Variants in TENM4 observed in about 807,000 individuals in gnomAD.
TENM4 encodes teneurin-4.
A neutral mutation model predicts 243.3 loss-of-function variants in TENM4; 82 were observed. The observed-to-expected ratio is 0.34, with a 90% CI of 0.28 to 0.40. The LOEUF (loss-of-function observed/expected upper bound fraction) is 0.40. Ranked by LOEUF, TENM4 falls within the 10% of genes least tolerant of loss-of-function variation. TENM4 has a pLI of 1.00. For synonymous variants in TENM4, 1,412 were observed against 1,456.3 expected, an observed-to-expected ratio of 0.97 and a Z score of 0.69; for missense variants, 3,138 against 3,673.3, an observed-to-expected ratio of 0.85 and a Z score of 3.77.
intron 1 of TENM4, among the ~76,000 whole-genome samples, chr11:79,380,823 T>C (rs1381593113): frequency 6.6e-6 from 1 of 152,224 alleles, no homozygotes; most frequent in Admixed American, 6.5e-5. Flanking sequence ...TGGAGGTTCC[T>C]GGATGTGCAG....
At chr11:79,414,182 A>G (rs991526083) in intron 1 of TENM4, among the ~76,000 whole-genome samples, 2 of 147,500 alleles carry the variant, frequency 1.4e-5, no homozygotes, top group Admixed American at 6.7e-5. Flanking sequence ...ACACACACAC[A>G]CGCACACAAA....
At chr11:78,722,362 C>T (rs1038448740) in intron 24 of TENM4, among the ~76,000 whole-genome samples, 1 of 152,218 alleles carries the variant, frequency 6.6e-6, no homozygotes, top group Non-Finnish European at 1.5e-5. Context: ...AATCAGTTTA[C>T]TTCCAGGAAA....
intron 25 of TENM4, among the ~76,000 whole-genome samples, chr11:78,717,599 A>G (rs1215785754): frequency 1.3e-5 from 2 of 152,250 alleles, no homozygotes; most frequent in East Asian, 3.8e-4. Flanking sequence ...AATTGCATGA[A>G]GAATATAAAC....
At chr11:79,139,625 G>A (rs180775852) in intron 4 of TENM4, among the ~76,000 whole-genome samples, 333 of 29,100 alleles carry the variant, frequency 0.011, 14 homozygotes, top group African/African-American at 0.032. Flanking sequence ...ATTTATATAA[G>A]TATATAAAAT....
chr11:79,118,769 T>A (rs887862092), intron 4 of TENM4, among the ~76,000 whole-genome samples: 3 of 152,198 alleles, frequency 2.0e-5, no homozygotes, highest in Non-Finnish European at 2.9e-5. Flanking sequence ...CTTCGTTGCA[T>A]ATATATATGC....
At chr11:79,381,291 T>C (rs1254527413) in intron 1 of TENM4, among the ~76,000 whole-genome samples, 1 of 150,794 alleles carries the variant, frequency 6.6e-6, no homozygotes, top group Non-Finnish European at 1.5e-5. Context: ...GCAGTCTTTA[T>C]AGCCAATGAT....
chr11:78,775,389 T>TGAAGCAGGTGTTCTCAGGGAGGGTTAGC (rs1856722373), intron 17 of TENM4, among the ~76,000 whole-genome samples: 1 of 152,192 alleles, frequency 6.6e-6, no homozygotes, highest in Non-Finnish European at 1.5e-5. Context: ...TTGGAAGATG[T>TGAAGCAGGTGTTCTCAGGGAGGGTTAGC]GAAGCAGGTG....
intron 9 of TENM4, among the ~76,000 whole-genome samples, chr11:78,865,904 C>T (rs146136155): frequency 6.6e-4 from 101 of 152,328 alleles, no homozygotes; most frequent in African/African-American, 2.3e-3. Flanking sequence ...ATTGTTGTAC[C>T]TAATGAGGTA....
chr11:79,285,677 G>A (rs1483624420), intron 2 of TENM4, among the ~76,000 whole-genome samples: 1 of 151,942 alleles, frequency 6.6e-6, no homozygotes, highest in Non-Finnish European at 1.5e-5. Context: ...GGGTATGGGT[G>A]TTGGTGTATC....
At chr11:78,676,647 G>C (rs1212388414) in intron 29 of TENM4, among the ~76,000 whole-genome samples, 8 of 152,156 alleles carry the variant, frequency 5.3e-5, no homozygotes, top group Admixed American at 5.2e-4. Context: ...GTTTAAAATA[G>C]GTAAGAGTTT....
At chr11:79,305,311 A>G (rs780615822) in intron 1 of TENM4, among the ~76,000 whole-genome samples, 6 of 152,238 alleles carry the variant, frequency 3.9e-5, no homozygotes, top group Non-Finnish European at 7.3e-5. Context: ...GCATTTCTCA[A>G]ACATCTAGCT....
chr11:79,424,938 A>G (rs552573202), intron 1 of TENM4, among the ~76,000 whole-genome samples: 7 of 152,264 alleles, frequency 4.6e-5, no homozygotes, highest in African/African-American at 1.7e-4. Context: ...CATTTCACAC[A>G]CACAAAAAAA....
intron 2 of TENM4, among the ~76,000 whole-genome samples, chr11:79,281,452 A>G (rs1856155353): frequency 1.3e-5 from 2 of 152,192 alleles, no homozygotes; most frequent in Non-Finnish European, 1.5e-5. Flanking sequence ...ATGCTTTTTT[A>G]GTTTTAATTT....
chr11:79,036,472 C>A (rs1177082929), intron 6 of TENM4, among the ~76,000 whole-genome samples: 1 of 152,178 alleles, frequency 6.6e-6, no homozygotes, highest in Non-Finnish European at 1.5e-5. Flanking sequence ...ATGGGGCAAA[C>A]ATCCAGAGGA....
chr11:79,038,553 G>A (rs1480613884), intron 6 of TENM4, among the ~76,000 whole-genome samples: 1 of 152,186 alleles, frequency 6.6e-6, no homozygotes, highest in East Asian at 1.9e-4. Flanking sequence ...TGAGTTTGAG[G>A]TGATGACTTT....
intron 19 of TENM4, among the ~76,000 whole-genome samples, chr11:78,749,936 C>T (rs1198230194): frequency 6.6e-6 from 1 of 152,164 alleles, no homozygotes. Context: ...CCACATGCCC[C>T]CTTTGCTCAC....
rs572706242 is a variant in TENM4, at chr11:79,011,185, C to G, written c.493+53553G>C. 3.0e-3 allele frequency among the ~76,000 whole-genome samples: 458 copies of G among 152,348 alleles called. 4 individuals are homozygous for G. Among genetic ancestry groups the G allele is most frequent in the African/African-American group, 0.011 (445 of 41,576 alleles). ...CGTGAATCCAGAACAGATGGGCCCA[C>G]GCATGGGCTCTGCCCCACCCTCCCA... On this transcript the variant is annotated intron_variant, in intron 6 of 33. Coordinates refer to ENST00000278550, the MANE Select transcript of TENM4 (RefSeq NM_001098816.3).
intron 29 of TENM4, among the ~76,000 whole-genome samples, chr11:78,685,067 A>G (rs538186946): frequency 6.6e-6 from 1 of 152,256 alleles, no homozygotes; most frequent in Admixed American, 6.5e-5. Flanking sequence ...TCACACATGC[A>G]AAAATTCTAA....
At chr11:79,136,529 C>G (rs748252071) in intron 4 of TENM4, among the ~76,000 whole-genome samples, 6 of 152,174 alleles carry the variant, frequency 3.9e-5, no homozygotes, top group Non-Finnish European at 7.3e-5. Context: ...GAGAACAACA[C>G]TGAGCTCTCA....
Sources: allele counts gnomAD v4.1 joint callset (sites outside exome capture counted in the v4.1 genomes callset), GRCh38; gene constraint gnomAD v4.1.1; transcripts MANE v1.5; gene names NCBI Gene and HGNC (gene_info 2026-07-23, HGNC 2026-07-21).